TCF7L2: variants seen among roughly 807,000 people sequenced by gnomAD.
The protein encoded by TCF7L2 is transcription factor 7-like 2.
TCF7L2 carries 23 observed loss-of-function variants against 77.9 expected under a neutral mutation model. That is an observed-to-expected ratio of 0.30 (90% CI 0.21 to 0.42). The LOEUF (loss-of-function observed/expected upper bound fraction) is 0.42. Ranked by LOEUF, TCF7L2 falls within the 10% of genes least tolerant of loss-of-function variation. The pLI is 1.00. For synonymous variants in TCF7L2, 413 were observed against 340.2 expected (o/e 1.21, Z -2.36); for missense variants, 654 against 793.1 (o/e 0.82, Z 2.11).
chr10:113,063,456 T>C (rs1309726544), intron 5 of TCF7L2, among the ~76,000 whole-genome samples: 2 of 151,976 alleles, frequency 1.3e-5, no homozygotes, highest in Non-Finnish European at 2.9e-5. Context: ...GTGAATGGAT[T>C]GAGATTGTGG....
chr10:113,066,296 C>CAG (rs2057248357), intron 5 of TCF7L2, among the ~76,000 whole-genome samples: 1 of 151,414 alleles, frequency 6.6e-6, no homozygotes, highest in Admixed American at 6.6e-5. Context: ...ACCTGGAAGG[C>CAG]AGAGGTTGCA....
chr10:112,994,791 T>C lies in TCF7L2; in HGVS notation c.450+30167T>C, dbSNP rs558826788. Among the ~76,000 whole-genome samples the C allele has an allele frequency of 2.6e-5, 4 of 151,062 alleles. No individual in the cohort carries two copies. In the South Asian group the frequency reaches 8.4e-4, roughly 32 times the overall value. On this transcript the variant is annotated intron_variant, in intron 4 of 13. Transcript: ENST00000627217. ...GAGTTTGAGACCAGCCTGGGCAACA[T>C]AGTGAGACCCTGTTAAAAAAAAAGA...
intron 5 of TCF7L2, among the ~76,000 whole-genome samples, chr10:113,090,988 G>T (rs1256602829): frequency 4.0e-5 from 6 of 150,056 alleles, no homozygotes; most frequent in Non-Finnish European, 8.9e-5. Flanking sequence ...TGTGACCTCC[G>T]CCTGCCAGCT....
chr10:113,064,741 A>C (rs1306913472), intron 5 of TCF7L2, among the ~76,000 whole-genome samples: 2 of 152,242 alleles, frequency 1.3e-5, no homozygotes, highest in Non-Finnish European at 2.9e-5. Flanking sequence ...CGGATGCTTC[A>C]GCCGGGTTTC....
chr10:113,106,899 G>A (rs1236428860), intron 5 of TCF7L2, among the ~76,000 whole-genome samples: 2 of 152,236 alleles, frequency 1.3e-5, no homozygotes, highest in Non-Finnish European at 2.9e-5. Flanking sequence ...CCAACACTAT[G>A]TGAGAAAACT....
At chr10:113,024,485 T>C (rs1384456542) in intron 4 of TCF7L2, among the ~76,000 whole-genome samples, 1 of 152,202 alleles carries the variant, frequency 6.6e-6, no homozygotes, top group Non-Finnish European at 1.5e-5. Context: ...TTATCCAAAA[T>C]GCTTGGGGCT....
At chr10:113,056,022 G>T (rs2055315961) in intron 5 of TCF7L2, among the ~76,000 whole-genome samples, 1 of 152,144 alleles carries the variant, frequency 6.6e-6, no homozygotes, top group African/African-American at 2.4e-5. Flanking sequence ...AAAAATTGTG[G>T]ACTGGACCTA....
intron 4 of TCF7L2, among the ~76,000 whole-genome samples, chr10:112,983,172 A>G (rs2040811540): frequency 6.7e-6 from 1 of 150,066 alleles, no homozygotes; most frequent in Non-Finnish European, 1.5e-5. Flanking sequence ...TTAATACTTC[A>G]TTAAAAAAAT....
rs1445985676 is a variant in TCF7L2 at position 113,008,763 on chromosome 10, C to CTTA, written c.451-31261_451-31259dup. ...GGGAGCGCCACAGTTTGAGAAAGTG[C>CTTA]TTAGCCTTCCTTTCCCTCCTTTAGT... On this transcript the variant is annotated intron_variant, in intron 4 of 13. Coordinates refer to ENST00000627217, the MANE Select transcript of TCF7L2 (RefSeq NM_001146274.2). 2.0e-5 allele frequency among the ~76,000 whole-genome samples: 3 copies of CTTA among 152,132 alleles called. No homozygotes were observed. In the East Asian group the frequency reaches 5.8e-4, roughly 29 times the overall value.
intron 4 of TCF7L2, among the ~76,000 whole-genome samples, chr10:112,967,277 A>G (rs1397670968): frequency 6.6e-6 from 1 of 152,190 alleles, no homozygotes; most frequent in Non-Finnish European, 1.5e-5. Context: ...AATAAATACT[A>G]GATTTCAATA....
intron 5 of TCF7L2, among the ~76,000 whole-genome samples, chr10:113,061,098 T>G (rs531271526): frequency 2.2e-4 from 33 of 152,284 alleles, no homozygotes; most frequent in African/African-American, 7.0e-4. Flanking sequence ...ATTCAAATAT[T>G]TAAGCCTCCA....
intron 4 of TCF7L2, among the ~76,000 whole-genome samples, chr10:112,982,490 C>G (rs2135244854): frequency 6.6e-6 from 1 of 152,308 alleles, no homozygotes; most frequent in Middle Eastern, 3.4e-3. Context: ...GTTATTAAAA[C>G]TCTTGCCAAG....
intron 4 of TCF7L2, among the ~76,000 whole-genome samples, chr10:112,971,799 G>GAC (rs1489528277): frequency 6.7e-6 from 1 of 149,326 alleles, no homozygotes; most frequent in Admixed American, 6.7e-5. Context: ...TTTTAGTAGA[G>GAC]ACGAGGTCTC....
intron 5 of TCF7L2, among the ~76,000 whole-genome samples, chr10:113,088,213 T>C (rs2060027763): frequency 6.6e-6 from 1 of 152,168 alleles, no homozygotes; most frequent in Non-Finnish European, 1.5e-5. Context: ...AGTTGTTTTT[T>C]ACAGCCCTAA....
chr10:112,987,781 G>A lies in TCF7L2; in HGVS notation c.450+23157G>A, dbSNP rs141550550. ...CCTGTCCCAGCAGCTGGCCTGCATT[G>A]TGCTGACCTCAGCTGGCATCATGGA... On this transcript the variant is annotated intron_variant, in intron 4 of 13. Coordinates refer to ENST00000627217, the MANE Select transcript of TCF7L2 (RefSeq NM_001146274.2). 4.7e-3 allele frequency: 784 copies of A among 165,602 alleles called. 4 individuals carry two copies. The highest frequency in any genetic ancestry group is 9.7e-3 in the Admixed American group (172 of 17,716). 10.3% of individuals were successfully genotyped at this position (165,602 alleles called of 1,614,324 possible). A position where few individuals can be genotyped will look rare whatever the true frequency, so the allele number is the denominator to read the frequency against.
intron 4 of TCF7L2, among the ~76,000 whole-genome samples, chr10:113,022,827 G>A (rs140246519): frequency 4.0e-5 from 6 of 151,844 alleles, no homozygotes; most frequent in Non-Finnish European, 7.4e-5. Flanking sequence ...GCTGAGAGAG[G>A]TGAGTTCATT....
intron 4 of TCF7L2, among the ~76,000 whole-genome samples, chr10:113,008,289 G>C (rs1310359513): frequency 6.6e-6 from 1 of 152,106 alleles, no homozygotes; most frequent in Non-Finnish European, 1.5e-5. Context: ...GTACCTTTTT[G>C]GTGTATGCTC....
chr10:113,037,456 T>C (rs551034644), intron 4 of TCF7L2, among the ~76,000 whole-genome samples: 1 of 152,274 alleles, frequency 6.6e-6, no homozygotes, highest in African/African-American at 2.4e-5. Context: ...TAATGTTATA[T>C]AGGCAATGAT....
intron 5 of TCF7L2, among the ~76,000 whole-genome samples, chr10:113,046,220 C>T (rs898141772): frequency 2.6e-5 from 4 of 152,108 alleles, no homozygotes; most frequent in African/African-American, 7.2e-5. Flanking sequence ...TAGAAAATAT[C>T]CCATCAAGAA....
Sources: allele counts gnomAD v4.1 joint callset (sites outside exome capture counted in the v4.1 genomes callset), GRCh38; gene constraint gnomAD v4.1.1; transcripts MANE v1.5; gene names NCBI Gene and HGNC (gene_info 2026-07-23, HGNC 2026-07-21).